TEX9: variants seen among roughly 807,000 people sequenced by gnomAD.
TEX9 encodes the protein testis-expressed protein 9.
In TEX9, 74 loss-of-function variants were observed where a neutral mutation model predicts 59.6. That is an observed-to-expected ratio of 1.24 (90% CI 1.03 to 1.51). The LOEUF is 1.51. Among genes scored for constraint, TEX9 ranks in the 40% most tolerant of loss-of-function variants. The pLI is 0.00. For synonymous variants in TEX9, 186 were observed against 152.2 expected (o/e 1.22, Z -1.64); for missense variants, 522 against 447.8 (o/e 1.17, Z -1.49).
chr15:56,301,021 G>T (rs371814638), intron 1 of TEX9, among the ~76,000 whole-genome samples: 5 of 152,152 alleles, frequency 3.3e-5, no homozygotes, highest in Admixed American at 1.3e-4. Context: ...TAAGGCACTT[G>T]GTTGACAAAT....
At chr15:56,323,710 AGG>A (rs2045953324) in intron 1 of TEX9, 1 of 34,636 alleles carries the variant, frequency 2.9e-5, no homozygotes, top group African/African-American at 6.2e-5. Flanking sequence ...AAGGAGGAGG[AGG>A]AGAAGGAGGA....
rs1333321581 is a variant in TEX9 at position 56,444,613 on chromosome 15, C to T, written c.*30-1058C>T. The T allele has an allele frequency of 5.6e-6, 9 of 1,613,042 alleles. No homozygotes were observed. The East Asian group carries it at 1.3e-4, about 24-fold the overall frequency. ...TTTCGTTTGTCTTCTGCAGCATTCT[C>T]TTCCTTTATTATTCTCTTGTGTTCT... On this transcript the variant is annotated intron_variant, in intron 12 of 12. Coordinates refer to ENST00000352903, the Ensembl canonical transcript of TEX9.
chr15:56,343,091 A>G (rs1267547523), intron 1 of TEX9, among the ~76,000 whole-genome samples: 1 of 152,200 alleles, frequency 6.6e-6, no homozygotes, highest in African/African-American at 2.4e-5. Flanking sequence ...CATGAAAAAG[A>G]AAACATATGA....
At chr15:56,294,702 G>T (rs1223620155) in intron 1 of TEX9, among the ~76,000 whole-genome samples, 1 of 152,060 alleles carries the variant, frequency 6.6e-6, no homozygotes, top group African/African-American at 2.4e-5. Context: ...GATGTGAGGG[G>T]CTTGAGAGTA....
intron 1 of TEX9, among the ~76,000 whole-genome samples, chr15:56,293,322 G>A (rs953731322): frequency 6.6e-6 from 1 of 152,158 alleles, no homozygotes. Flanking sequence ...GGGCGACAGA[G>A]TGAGACCCCA....
intron 4 of TEX9, 136 bp from the exon 5 acceptor site, chr15:56,388,336 C>T: frequency 1.6e-6 from 1 of 622,146 alleles, no homozygotes; most frequent in East Asian, 2.8e-5. Context: ...AATAAATTAA[C>T]ATGTGGGTAA....
intron 9 of TEX9, among the ~76,000 whole-genome samples, chr15:56,404,048 G>A (rs140932010): frequency 0.014 from 2,070 of 152,208 alleles, 38 homozygotes; most frequent in African/African-American, 0.039. Flanking sequence ...AACCTATGCA[G>A]TACCATTCAG....
chr15:56,311,143 CT>C lies in TEX9; in HGVS notation c.-106-62287del, dbSNP rs1248082722. ...CTTATTTCTTTTTTTTTTTTAATTT[CT>C]TTTTTTTTTTAATTATACTTTAAGT... On this transcript the variant is annotated intron_variant, in intron 1 of 5. Transcript: ENST00000560827. 2.2e-3 allele frequency among the ~76,000 whole-genome samples: 147 copies of C among 67,284 alleles called. 2 individuals are homozygous for C. Among genetic ancestry groups the C allele is most frequent in the Middle Eastern group, 6.8e-3 (1 of 146 alleles). The allele number at this position is 67,284 out of a possible 152,430, so 44.1% of individuals were successfully genotyped here.
At position 56,265,210 on chromosome 15, in the gene TEX9, C is replaced by A. The variant is rs1270973920; in HGVS notation, c.-107+20932C>A. 6.6e-5 allele frequency among the ~76,000 whole-genome samples: 10 copies of A among 150,468 alleles called. No homozygotes were observed. In the East Asian group the frequency reaches 1.9e-3, roughly 29 times the overall value. On this transcript the variant is annotated intron_variant, in intron 1 of 5. Transcript: ENST00000560827. ...GGTCTCACTGTGGAGTGTAGTGGTACCAGCATGGAGTGTAGTGGTACCATA... is the reference window on the plus strand; with the variant it reads ...GGTCTCACTGTGGAGTGTAGTGGTAACAGCATGGAGTGTAGTGGTACCATA...
At chr15:56,351,999 G>T (rs2046591146) in intron 1 of TEX9, among the ~76,000 whole-genome samples, 1 of 152,164 alleles carries the variant, frequency 6.6e-6, no homozygotes, top group Non-Finnish European at 1.5e-5. Flanking sequence ...TAGTATTTGA[G>T]ATTGGGTGGG....
Position 56,405,821 on chromosome 15 carries a change from T to A in TEX9, c.829-6481T>A, listed in dbSNP as rs189684994. 5.2e-3 allele frequency among the ~76,000 whole-genome samples: 787 copies of A among 152,322 alleles called. 2 individuals are homozygous for A. Among genetic ancestry groups the A allele is most frequent in the Non-Finnish European group, 8.3e-3 (567 of 68,028 alleles). On this transcript the variant is annotated intron_variant, in intron 9 of 12. Transcript: ENST00000352903. ...TAAATCTGCAAAAGCCAACCATTTT[T>A]AAAATTATTATGTATCACTTAAGCT...
chr15:56,369,318 G>C (rs543826670), intron 2 of TEX9, among the ~76,000 whole-genome samples: 2 of 151,426 alleles, frequency 1.3e-5, no homozygotes, highest in Admixed American at 6.6e-5. Flanking sequence ...GCCTCCCGAG[G>C]AGCTGGGACT....
intron 1 of TEX9, among the ~76,000 whole-genome samples, chr15:56,298,257 A>G (rs1397483956): frequency 1.3e-5 from 2 of 152,262 alleles, no homozygotes; most frequent in Non-Finnish European, 2.9e-5. Flanking sequence ...GGAAAATAGT[A>G]TTTGAGCAGT....
At chr15:56,421,564 C>G (rs1293723642) in intron 10 of TEX9, 1 of 151,672 alleles carries the variant, frequency 6.6e-6, no homozygotes, top group Non-Finnish European at 1.5e-5. Flanking sequence ...TTTTTCCATT[C>G]TTTTATTTGT....
chr15:56,459,016 G>A, the TEX9 span, among the ~76,000 whole-genome samples: 1 of 152,166 alleles, frequency 6.6e-6, no homozygotes, highest in African/African-American at 2.4e-5. Context: ...TAGCACATCT[G>A]TGTGTACATT....
chr15:56,345,125 T>C (rs1366662410), intron 1 of TEX9, among the ~76,000 whole-genome samples: 1 of 150,696 alleles, frequency 6.6e-6, no homozygotes, highest in Non-Finnish European at 1.5e-5. Flanking sequence ...CTTTCTTCCA[T>C]GCATTAGTGA....
At chr15:56,451,800 A>C in the TEX9 span, among the ~76,000 whole-genome samples, 1 of 152,298 alleles carries the variant, frequency 6.6e-6, no homozygotes, top group African/African-American at 2.4e-5. Context: ...ATCGTACATC[A>C]AGGAGCATCT....
intron 12 of TEX9, chr15:56,429,576 T>G (rs1447049526): frequency 6.4e-6 from 1 of 155,688 alleles, no homozygotes. Context: ...ATGCATGGGA[T>G]TAGTTCTTCA....
intron 9 of TEX9, among the ~76,000 whole-genome samples, chr15:56,401,316 A>AC (rs2048762278): frequency 6.7e-6 from 1 of 148,608 alleles, no homozygotes. Flanking sequence ...AGCAAAAAAA[A>AC]AAAAAAAAAA....
Sources: gnomAD v4.1 joint callset for allele counts (sites outside exome capture counted in the v4.1 genomes callset) on GRCh38, gnomAD v4.1.1 for gene constraint, MANE v1.5 for transcripts, NCBI Gene and HGNC (gene_info 2026-07-23, HGNC 2026-07-21) for gene names.